LHFPL4: variants seen among roughly 807,000 people sequenced by gnomAD.
LHFPL4 encodes LHFPL tetraspan subfamily member 4 protein.
A neutral mutation model predicts 20.0 loss-of-function variants in LHFPL4; 6 were observed. The observed-to-expected ratio is 0.30, with a 90% CI of 0.16 to 0.59. LHFPL4 has a LOEUF of 0.59. Among genes scored for constraint, LHFPL4 ranks in the 20% least tolerant of loss-of-function variants. LHFPL4 has a pLI of 0.88. For synonymous variants in LHFPL4, 129 were observed against 143.8 expected, an observed-to-expected ratio of 0.90 and a Z score of 0.74; for missense variants, 215 against 331.2, an observed-to-expected ratio of 0.65 and a Z score of 2.72.
At position 9,498,964 on chromosome 3, in the gene LHFPL4, C is replaced by T. The variant is rs2046151121; in HGVS notation, c.*3247G>A. 1 of 152,396 alleles carries T rather than the reference C, an allele frequency of 6.6e-6. No individual in the cohort carries two copies. The highest frequency in any genetic ancestry group is 2.4e-5 in the African/African-American group (1 of 41,462). The allele number at this position is 152,396 out of a possible 1,614,324, so 9.4% of individuals were successfully genotyped here. A position where few individuals can be genotyped will look rare whatever the true frequency, so the allele number is the denominator to read the frequency against. On this transcript the variant is annotated 3_prime_UTR_variant, in exon 4 of 4. Transcript: ENST00000287585. ...TCCCAGAAGGACTCAACTGACCAGA[C>T]TGTGGGCCAGGGACTGAACCACCCC...
chr3:9,536,368 G>A (rs939544881), intron 2 of LHFPL4, among the ~76,000 whole-genome samples: 1 of 152,132 alleles, frequency 6.6e-6, no homozygotes, highest in Non-Finnish European at 1.5e-5. Context: ...CTCCTAGGAG[G>A]TGACTCCTGT....
chr3:9,511,979 C>T (rs1191406646), intron 2 of LHFPL4, among the ~76,000 whole-genome samples: 1 of 150,936 alleles, frequency 6.6e-6, no homozygotes, highest in Non-Finnish European at 1.5e-5. Context: ...GTCGCCCAGG[C>T]TGGAGTGCAG....
In LHFPL4 at chr3:9,501,349, G is replaced by C. The variant is rs1559512886; in HGVS notation, c.*862C>G. On this transcript the variant is annotated 3_prime_UTR_variant, in exon 4 of 4. Transcript: ENST00000287585. Reference sequence around the variant, plus strand: ...AGTCTGTGCTGTACAAAACAGGCCAGGGTCAAGGGTCCAGTCATTGGTGAG... The same window carrying C: ...AGTCTGTGCTGTACAAAACAGGCCACGGTCAAGGGTCCAGTCATTGGTGAG... 6.5e-6 allele frequency: 1 copy of C among 152,826 alleles called. No individual in the cohort carries two copies. Among genetic ancestry groups the C allele is most frequent in the Non-Finnish European group, 1.5e-5 (1 of 68,518 alleles). 9.5% of individuals were successfully genotyped at this position (152,826 alleles called of 1,614,324 possible). A position where few individuals can be genotyped will look rare whatever the true frequency, so the allele number is the denominator to read the frequency against.
intron 2 of LHFPL4, among the ~76,000 whole-genome samples, chr3:9,548,588 T>C (rs2046532611): frequency 6.6e-6 from 1 of 152,202 alleles, no homozygotes; most frequent in Non-Finnish European, 1.5e-5. Flanking sequence ...CCTCTGCTGC[T>C]CCGGGTTTCC....
intron 2 of LHFPL4, among the ~76,000 whole-genome samples, chr3:9,548,342 G>A (rs933287275): frequency 6.6e-6 from 1 of 152,126 alleles, no homozygotes; most frequent in Non-Finnish European, 1.5e-5. Flanking sequence ...GTATCCAACT[G>A]CTGCTGATTA....
intron 2 of LHFPL4, among the ~76,000 whole-genome samples, chr3:9,539,572 C>A (rs111280783): frequency 1.8e-4 from 27 of 151,916 alleles, no homozygotes; most frequent in Non-Finnish European, 3.5e-4. Context: ...CACTTCAGAG[C>A]CTTTCTAGGT....
chr3:9,525,969 A>C (rs1337388694), intron 2 of LHFPL4, among the ~76,000 whole-genome samples: 1 of 152,218 alleles, frequency 6.6e-6, no homozygotes, highest in East Asian at 1.9e-4. Flanking sequence ...TAGAAAGACC[A>C]TACGTAGGCA....
intron 2 of LHFPL4, among the ~76,000 whole-genome samples, chr3:9,517,640 T>C (rs931038731): frequency 3.4e-5 from 5 of 147,530 alleles, no homozygotes; most frequent in African/African-American, 1.3e-4. Flanking sequence ...TAAGCTATGA[T>C]TGAGCCGTTA....
intron 2 of LHFPL4, among the ~76,000 whole-genome samples, chr3:9,550,085 A>G (rs2046543077): frequency 6.6e-6 from 1 of 152,060 alleles, no homozygotes; most frequent in Admixed American, 6.6e-5. Flanking sequence ...TATTGTACAA[A>G]TGGGAAATTG....
intron 2 of LHFPL4, among the ~76,000 whole-genome samples, chr3:9,538,491 C>G (rs1232162856): frequency 2.0e-5 from 3 of 152,170 alleles, no homozygotes; most frequent in East Asian, 3.8e-4. Context: ...CACACAACAA[C>G]AAATAATAAT....
chr3:9,505,816 C>A, intron 3 of LHFPL4, 151 bp downstream of exon 3: 1 of 748,112 alleles, frequency 1.3e-6, no homozygotes, highest in South Asian at 1.7e-5. Flanking sequence ...GCCTTGGCTT[C>A]CCAAAGTGCT....
At chr3:9,551,904 CT>C (rs897433013) in intron 2 of LHFPL4, among the ~76,000 whole-genome samples, 2 of 152,110 alleles carry the variant, frequency 1.3e-5, no homozygotes, top group African/African-American at 4.8e-5. Flanking sequence ...CCATTTCATG[CT>C]TTTTTTCAAC....
chr3:9,514,251 A>G (rs1165734894), intron 2 of LHFPL4, among the ~76,000 whole-genome samples: 1 of 152,212 alleles, frequency 6.6e-6, no homozygotes, highest in Non-Finnish European at 1.5e-5. Context: ...AGACCAGCAT[A>G]GCAAGACTCT....
At chr3:9,517,367 C>T (rs2125658584) in intron 2 of LHFPL4, among the ~76,000 whole-genome samples, 1 of 151,988 alleles carries the variant, frequency 6.6e-6, no homozygotes, top group South Asian at 2.1e-4. Context: ...TTTATTTTAG[C>T]TCTTCTTCTA....
Position 9,542,402 on chromosome 3 carries a change from C to A in LHFPL4, c.406+9872G>T, listed in dbSNP as rs376917814. 2.7e-4 allele frequency among the ~76,000 whole-genome samples: 41 copies of A among 152,256 alleles called. No individual in the cohort carries two copies. The South Asian group carries it at 8.5e-3, about 32-fold the overall frequency. On this transcript the variant is annotated intron_variant, in intron 2 of 3. Coordinates refer to ENST00000287585, the MANE Select transcript of LHFPL4 (RefSeq NM_198560.3). ...GAATGGATAAACAAAACATGGTATG[C>A]CCATTCAAGGGGATATTATTCAGCC...
At chr3:9,518,318 TTGA>T (rs1308574408) in intron 2 of LHFPL4, among the ~76,000 whole-genome samples, 7 of 152,236 alleles carry the variant, frequency 4.6e-5, no homozygotes, top group Non-Finnish European at 8.8e-5. Flanking sequence ...TAATAATTTG[TTGA>T]TGATTTTGGA....
chr3:9,549,809 T>G (rs2125668801), intron 2 of LHFPL4, among the ~76,000 whole-genome samples: 1 of 152,356 alleles, frequency 6.6e-6, no homozygotes, highest in Admixed American at 6.5e-5. Flanking sequence ...GGATGACTGA[T>G]TTATCACTTT....
chr3:9,543,184 C>A (rs867549324), intron 2 of LHFPL4, among the ~76,000 whole-genome samples: 1 of 151,972 alleles, frequency 6.6e-6, no homozygotes, highest in South Asian at 2.1e-4. Flanking sequence ...GGTCTCCTGC[C>A]GGCACCCACA....
intron 2 of LHFPL4, among the ~76,000 whole-genome samples, chr3:9,548,826 G>T (rs376482595): frequency 6.6e-6 from 1 of 152,174 alleles, no homozygotes; most frequent in African/African-American, 2.4e-5. Context: ...ACTTGACCAA[G>T]CTGGGCCAAT....
Sources: allele counts gnomAD v4.1 joint callset (sites outside exome capture counted in the v4.1 genomes callset), GRCh38; gene constraint gnomAD v4.1.1; transcripts MANE v1.5; gene names NCBI Gene and HGNC (gene_info 2026-07-23, HGNC 2026-07-21).